CCDC170: variants seen among roughly 807,000 people sequenced by gnomAD.
CCDC170 encodes coiled-coil domain containing 170, also known as coiled-coil domain-containing protein 170.
CCDC170 carries 69 observed loss-of-function variants against 72.6 expected under a neutral mutation model. That is an observed-to-expected ratio of 0.95 (90% CI 0.78 to 1.16). The LOEUF is 1.16. CCDC170 is among the 50% of genes most tolerant of loss of function. CCDC170 has a pLI of 0.00. For synonymous variants in CCDC170, 300 were observed against 303.9 expected (o/e 0.99, Z 0.13); for missense variants, 852 against 832.5 (o/e 1.02, Z -0.29).
At chr6:151,524,929 CT>C (rs34288029) in intron 1 of CCDC170, among the ~76,000 whole-genome samples, 4,503 of 109,860 alleles carry the variant, frequency 0.041, 41 homozygotes, top group East Asian at 0.19. Flanking sequence ...TAGTCTGATT[CT>C]TTTTTTTTTT....
intron 5 of CCDC170, among the ~76,000 whole-genome samples, chr6:151,571,995 A>G (rs1046488979): frequency 6.6e-6 from 1 of 152,116 alleles, no homozygotes; most frequent in Non-Finnish European, 1.5e-5. Context: ...AGCTGGGACC[A>G]TAGCACATGC....
rs189062393 is a variant in CCDC170 at position 151,500,467 on chromosome 6, G to C, written c.57+6282G>C. On this transcript the variant is annotated intron_variant, in intron 1 of 10. Coordinates refer to ENST00000239374, the MANE Select transcript of CCDC170 (RefSeq NM_025059.4). The stretch of plus-strand genomic sequence containing the variant: ...AGTAATTATGATAAATATATATGGA[G>C]AAAATGCTTAGTTAACTAAGAAAAG... 2.1e-3 allele frequency among the ~76,000 whole-genome samples: 321 copies of C among 151,712 alleles called. 2 individuals carry two copies. Among genetic ancestry groups the C allele is most frequent in the African/African-American group, 7.3e-3 (303 of 41,418 alleles).
intron 5 of CCDC170, among the ~76,000 whole-genome samples, chr6:151,564,184 A>G (rs1195574583): frequency 6.6e-6 from 1 of 152,062 alleles, no homozygotes; most frequent in African/African-American, 2.4e-5. Flanking sequence ...TTTCCTGGAG[A>G]TGCATCTGTG....
chr6:151,550,443 T>G (rs186797166), intron 5 of CCDC170, among the ~76,000 whole-genome samples: 1 of 152,310 alleles, frequency 6.6e-6, no homozygotes, highest in African/African-American at 2.4e-5. Context: ...ACAGCCACAC[T>G]GAGGTGAGAA....
intron 7 of CCDC170, among the ~76,000 whole-genome samples, chr6:151,589,348 C>T (rs1183763171): frequency 5.9e-5 from 9 of 152,096 alleles, no homozygotes; most frequent in African/African-American, 1.7e-4. Context: ...AATTGGAAGC[C>T]ATCTAACTGC....
chr6:151,617,725 G>A (rs1161002929), intron 10 of CCDC170, among the ~76,000 whole-genome samples: 1 of 152,054 alleles, frequency 6.6e-6, no homozygotes, highest in Non-Finnish European at 1.5e-5. Context: ...ACATCAGTTG[G>A]CTCATCAGAA....
At chr6:151,528,425 C>T (rs1782444019) in intron 1 of CCDC170, among the ~76,000 whole-genome samples, 1 of 152,194 alleles carries the variant, frequency 6.6e-6, no homozygotes, top group African/African-American at 2.4e-5. Context: ...TCTTTGTCAT[C>T]ACCTTCTTCA....
intron 6 of CCDC170, among the ~76,000 whole-genome samples, chr6:151,575,802 A>G (rs9383928): frequency 0.26 from 39,947 of 151,808 alleles, 6,282 homozygotes; most frequent in East Asian, 0.75. Context: ...TGCTGGGATT[A>G]TAGGCGTGAG....
intron 1 of CCDC170, among the ~76,000 whole-genome samples, chr6:151,512,151 C>G (rs954084694): frequency 6.8e-6 from 1 of 146,278 alleles, no homozygotes; most frequent in Non-Finnish European, 1.5e-5. Context: ...AGCAGTATAC[C>G]GTTTTTTTTT....
intron 1 of CCDC170, among the ~76,000 whole-genome samples, chr6:151,526,123 C>CCTTT (rs2115037308): frequency 1.3e-5 from 2 of 150,796 alleles, no homozygotes; most frequent in African/African-American, 4.9e-5. Flanking sequence ...TTCCTTTCTT[C>CCTTT]CTTCCTTCCT....
chr6:151,565,198 A>AG (rs1160170879), intron 5 of CCDC170, among the ~76,000 whole-genome samples: 6 of 152,138 alleles, frequency 3.9e-5, no homozygotes, highest in Non-Finnish European at 8.8e-5. Context: ...GTGGAGATGC[A>AG]GGGGCTGTTG....
At chr6:151,539,390 T>C (rs944498671) in intron 3 of CCDC170, among the ~76,000 whole-genome samples, 4 of 152,270 alleles carry the variant, frequency 2.6e-5, no homozygotes, top group Non-Finnish European at 4.4e-5. Flanking sequence ...AGTCTTATCT[T>C]ACCTGACCTA....
chr6:151,527,377 C>G (rs1018924206), intron 1 of CCDC170, among the ~76,000 whole-genome samples: 5 of 152,106 alleles, frequency 3.3e-5, no homozygotes, highest in Admixed American at 2.6e-4. Flanking sequence ...CTGGATCTCA[C>G]AGCTGCCACA....
intron 5 of CCDC170, among the ~76,000 whole-genome samples, chr6:151,552,090 C>T (rs1263267058): frequency 1.3e-5 from 2 of 149,668 alleles, no homozygotes; most frequent in Non-Finnish European, 3.0e-5. Flanking sequence ...GAGTCCAGAG[C>T]AGTGGCCTGA....
intron 4 of CCDC170, among the ~76,000 whole-genome samples, chr6:151,545,927 C>G (rs1456294470): frequency 2.0e-5 from 3 of 152,108 alleles, no homozygotes; most frequent in African/African-American, 7.2e-5. Context: ...GGCCACCATG[C>G]CCAGCACCCA....
At position 151,573,375 on chromosome 6, in the gene CCDC170, T is replaced by C. The variant is rs142230498; in HGVS notation, c.976T>C (p.Phe326Leu). Reference protein sequence around the residue: ...VTTSQSQYFSFREKIAALLRG... With the variant: ...VTTSQSQYFSLREKIAALLRG... ...AACCTCACAAAGCCAGTACTTCTCA[T>C]TTAGGGAGAAAATCGCAGCCCTCCT... Residue 326 changes from phenylalanine to leucine, a missense_variant, in exon 6 of 11, where the codon TTT becomes CTT. Coordinates refer to ENST00000239374, the MANE Select transcript of CCDC170 (RefSeq NM_025059.4). The C allele has an allele frequency of 2.5e-5, 40 of 1,614,030 alleles. 1 individual carries two copies. In the East Asian group the frequency reaches 6.9e-4, roughly 28 times the overall value.
chr6:151,558,345 G>T (rs569362717), intron 5 of CCDC170, among the ~76,000 whole-genome samples: 39 of 150,104 alleles, frequency 2.6e-4, no homozygotes, highest in Non-Finnish European at 3.2e-4. Flanking sequence ...CCATTCAGCA[G>T]GTTGTTTCTT....
At chr6:151,535,075 G>A (rs1010698264) in intron 1 of CCDC170, among the ~76,000 whole-genome samples, 3 of 152,172 alleles carry the variant, frequency 2.0e-5, no homozygotes, top group Admixed American at 1.3e-4. Flanking sequence ...AGGACCAGAG[G>A]GTTCAGTCTG....
At chr6:151,508,753 C>A (rs190274120) in intron 1 of CCDC170, among the ~76,000 whole-genome samples, 1 of 151,790 alleles carries the variant, frequency 6.6e-6, no homozygotes, top group Non-Finnish European at 1.5e-5. Context: ...TGGTGGCTCA[C>A]GCCTGTAATC....
Sources: allele counts gnomAD v4.1 joint callset (sites outside exome capture counted in the v4.1 genomes callset), GRCh38; gene constraint gnomAD v4.1.1; transcripts MANE v1.5; gene names NCBI Gene and HGNC (gene_info 2026-07-23, HGNC 2026-07-21).